Variants in SLC24A1 observed in about 807,000 individuals in gnomAD.
SLC24A1 encodes sodium/potassium/calcium exchanger 1.
A neutral mutation model predicts 88.1 loss-of-function variants in SLC24A1; 52 were observed. The ratio of observed to expected loss-of-function variants is 0.59; its 90% confidence interval spans 0.47 to 0.74. SLC24A1 has a LOEUF of 0.74. Ranked by LOEUF, SLC24A1 falls within the 30% of genes least tolerant of loss-of-function variation. The pLI is 0.00. For synonymous variants in SLC24A1, 455 were observed against 498.0 expected (o/e 0.91, Z 1.15); for missense variants, 1,173 against 1,363.3 (o/e 0.86, Z 2.20).
rs778825032 is a variant in SLC24A1, at chr15:65,650,710, G to T, written c.2561G>T (p.Ser854Ile). 6.4e-7 allele frequency: 1 copy of T among 1,558,976 alleles called. No homozygotes were observed. The highest frequency in any genetic ancestry group is 1.4e-5 in the African/African-American group (1 of 73,210). ...DEKGVEDGGG[S>I]DGGDSEEEEE... ...AAAGGTGTAGAAGATGGAGGGGGAA[G>T]TGATGGAGGGGATAGCGAAGAGGAG... The change falls in exon 7 of 10, where the codon AGT (serine) becomes ATT (isoleucine). Residue 854 changes from serine (S) to isoleucine (I), a missense_variant. Ser to Ile is a moderately radical substitution (Grantham distance 142). Transcript: ENST00000261892. This position sits in a 1 kb window ranked among gnomAD's most constrained non-coding sequence, Gnocchi z 4.1.
At chr15:65,637,490 A>G (rs2074980609) in intron 2 of SLC24A1, among the ~76,000 whole-genome samples, 1 of 152,222 alleles carries the variant, frequency 6.6e-6, no homozygotes, top group African/African-American at 2.4e-5. Context: ...AGGCAGGAGA[A>G]AAAGGCATGA....
At chr15:65,652,472 C>T (rs2075539673) in intron 8 of SLC24A1, 170 bp from the exon 9 acceptor site, 2 of 567,032 alleles carry the variant, frequency 3.5e-6, no homozygotes, top group South Asian at 2.5e-5. Flanking sequence ...CTTGCTCTTC[C>T]TCTCTGTGGC....
upstream of SLC24A1, among the ~76,000 whole-genome samples, chr15:65,617,336 G>A (rs1429744790): frequency 3.9e-5 from 6 of 152,132 alleles, no homozygotes; most frequent in East Asian, 1.9e-4. Context: ...CCATTTTCAC[G>A]ATATTGATTC....
At chr15:65,617,264 G>C (rs1305400382), upstream of SLC24A1, among the ~76,000 whole-genome samples, 1 of 152,180 alleles carries the variant, frequency 6.6e-6, no homozygotes, top group African/African-American at 2.4e-5. Flanking sequence ...ATTCTGTGAA[G>C]AAAGTCATTG....
intron 2 of SLC24A1, among the ~76,000 whole-genome samples, chr15:65,635,833 A>G (rs2074915082): frequency 1.3e-5 from 2 of 152,194 alleles, no homozygotes; most frequent in Admixed American, 6.5e-5. Flanking sequence ...CTTCTTTGTC[A>G]TGCATCTGTA....
At chr15:65,632,627 G>A (rs1383960194) in intron 2 of SLC24A1, among the ~76,000 whole-genome samples, 1 of 152,188 alleles carries the variant, frequency 6.6e-6, no homozygotes, top group Non-Finnish European at 1.5e-5. Context: ...TAGTCTGGGA[G>A]TAATCCCTCA....
At position 65,625,771 on chromosome 15, in the gene SLC24A1, T is replaced by G. The variant is rs769479153; in HGVS notation, c.1691T>G (p.Phe564Cys). The change falls in exon 2 of 10, where the codon TTC becomes TGC. Residue 564 changes from phenylalanine (F) to cysteine (C), a missense_variant. Transcript: ENST00000261892. The part of the protein sequence containing the change: ...TWWPLFRDVS[F>C]YILDLIMLIL... Reference sequence around the variant, plus strand: ...TGGCCCTTATTCCGTGATGTCTCCTTCTACATCCTTGACCTGATAATGCTC... The same window carrying G: ...TGGCCCTTATTCCGTGATGTCTCCTGCTACATCCTTGACCTGATAATGCTC... 1 of 1,614,062 alleles carries G rather than the reference T, an allele frequency of 6.2e-7. No individual in the cohort carries two copies. Among genetic ancestry groups the G allele is most frequent in the East Asian group, 2.2e-5 (1 of 44,888 alleles).
In SLC24A1 at chr15:65,650,769, G is replaced by GAGGAGGAAGAGC. The variant is rs749217043; in HGVS notation, c.2632_2643dup (p.Gln878_Glu881dup). 5.8e-5 allele frequency: 94 copies of GAGGAGGAAGAGC among 1,610,766 alleles called. No individual in the cohort carries two copies. Among genetic ancestry groups the GAGGAGGAAGAGC allele is most frequent in the Non-Finnish European group, 7.6e-5 (90 of 1,178,458 alleles). The stretch of plus-strand genomic sequence containing the variant: ...GGAGGAAGAGCAGGAGGAAGAGGAG[G>GAGGAGGAAGAGC]AGGAGGAAGAGCAGGAGGAAGAGGA... On this transcript the variant is annotated inframe_insertion, in exon 7 of 10. Transcript: ENST00000261892. The surrounding 1 kb of genome is among the most constrained non-coding windows in gnomAD (Gnocchi z 4.1).
At chr15:65,614,836 A>G (rs563744080) in intron 2 of SLC24A1, among the ~76,000 whole-genome samples, 1 of 152,324 alleles carries the variant, frequency 6.6e-6, no homozygotes, top group South Asian at 2.1e-4. Context: ...TATTGGAAAA[A>G]AAAGTCAAAG....
downstream of SLC24A1, among the ~76,000 whole-genome samples, chr15:65,657,579 G>A (rs1596364524): frequency 6.6e-6 from 1 of 152,322 alleles, no homozygotes; most frequent in East Asian, 1.9e-4. Flanking sequence ...GGGGGGCGGA[G>A]CCTGCAGTGA....
chr15:65,657,674 AT>A (rs1224102532), downstream of SLC24A1, among the ~76,000 whole-genome samples: 1 of 152,228 alleles, frequency 6.6e-6, no homozygotes, highest in Non-Finnish European at 1.5e-5. Context: ...ATCAGGAAGA[AT>A]TGGTTGGCCT....
intron 2 of SLC24A1, among the ~76,000 whole-genome samples, chr15:65,626,407 C>T (rs1048254355): frequency 6.6e-6 from 1 of 152,186 alleles, no homozygotes; most frequent in Non-Finnish European, 1.5e-5. Context: ...ATGTGCATGG[C>T]GTTCAGGGTT....
intron 2 of SLC24A1, 39 bp from the exon 3 acceptor site, chr15:65,638,089 C>T (rs1460433327): frequency 1.1e-5 from 17 of 1,507,730 alleles, no homozygotes; most frequent in Non-Finnish European, 1.5e-5. Flanking sequence ...AAGTGAGGGT[C>T]TCGCCACAAC....
At chr15:65,631,866 T>G (rs956903337) in intron 2 of SLC24A1, among the ~76,000 whole-genome samples, 1 of 152,160 alleles carries the variant, frequency 6.6e-6, no homozygotes, top group Non-Finnish European at 1.5e-5. Flanking sequence ...AGAGTCTCGC[T>G]CTGTTGCTAG....
chr15:65,649,396 C>T (rs925368707), intron 6 of SLC24A1, among the ~76,000 whole-genome samples: 3 of 152,190 alleles, frequency 2.0e-5, no homozygotes, highest in African/African-American at 7.2e-5. Flanking sequence ...CCGTGCCCAG[C>T]CTAAAAATCT....
Position 65,644,452 on chromosome 15 carries a change from G to A in SLC24A1, c.2079G>A (p.Glu693=). 6.3e-7 allele frequency: 1 copy of A among 1,596,274 alleles called. No individual in the cohort carries two copies. Among genetic ancestry groups the A allele is most frequent in the Non-Finnish European group, 8.5e-7 (1 of 1,171,650 alleles). Residue 693 remains glutamate, a synonymous_variant, in exon 5 of 10, where the codon GAG becomes GAA. Transcript: ENST00000261892. ...REVRLAKEKE[E]ESLNQGARAQ... ...TTCGCCTTGCCAAGGAGAAGGAGGAGGAGAGCTTGAATCAAGGGGCCAGAG... is the reference window on the plus strand; with the variant it reads ...TTCGCCTTGCCAAGGAGAAGGAGGAAGAGAGCTTGAATCAAGGGGCCAGAG...
rs200047855 is a variant in SLC24A1, at chr15:65,624,561, C to T, written c.481C>T (p.Gln161Ter). The change falls in exon 2 of 10, where the codon CAA (glutamine) becomes TAA (stop). Residue 161 changes from glutamine (Q) to a stop codon, truncating the protein, a stop_gained. Transcript: ENST00000261892. LOFTEE classifies it high-confidence loss of function. ...LTYYTSTSSR[Q>*]IVKKYTPTPR... Reference sequence around the variant, plus strand: ...TTACTACACCTCAACTTCAAGCAGACAAATAGTAAAAAAGTATACCCCAAC... The same window carrying T: ...TTACTACACCTCAACTTCAAGCAGATAAATAGTAAAAAAGTATACCCCAAC... The T allele has an allele frequency of 6.3e-6, 10 of 1,597,126 alleles. No individual in the cohort carries two copies. The highest frequency in any genetic ancestry group is 8.5e-6 in the Non-Finnish European group (10 of 1,171,736).
Position 65,653,932 on chromosome 15 carries a change from GCTTCTGTTTGTGATCT to G in SLC24A1, c.3158_3173del (p.Leu1053GlnfsTer9). 1 of 1,613,994 alleles carries G rather than the reference GCTTCTGTTTGTGATCT, an allele frequency of 6.2e-7. No homozygotes were observed. ...GTGCAATTGTTTTGCTTTTTCTCATGCTTCTGTTTGTGATCTCTTCAATTGCGTCATGTAAATGGAG... is the reference window on the plus strand; with the variant it reads ...GTGCAATTGTTTTGCTTTTTCTCATGCTTCAATTGCGTCATGTAAATGGAG... On this transcript the variant is annotated frameshift_variant, in exon 10 of 10. Coordinates refer to ENST00000261892, the MANE Select transcript of SLC24A1 (RefSeq NM_004727.3). LOFTEE classifies it high-confidence loss of function.
At chr15:65,644,304 G>T (rs2075231152) in intron 4 of SLC24A1, 123 bp from the exon 5 acceptor site, 1 of 725,794 alleles carries the variant, frequency 1.4e-6, no homozygotes, top group Admixed American at 2.0e-5. Flanking sequence ...CAACCCCCAT[G>T]GCAGCCTTTT....
Sources: allele counts gnomAD v4.1 joint callset (sites outside exome capture counted in the v4.1 genomes callset), GRCh38; gene constraint gnomAD v4.1.1; non-coding constraint Gnocchi (gnomAD v3.1); transcripts MANE v1.5; gene names NCBI Gene and HGNC (gene_info 2026-07-23, HGNC 2026-07-21).